NCKAP5: variants seen among roughly 807,000 people sequenced by gnomAD.
NCKAP5 encodes NCK associated protein 5.
In NCKAP5, 92 loss-of-function variants were observed where a neutral mutation model predicts 167.0. The observed-to-expected ratio is 0.55, with a 90% CI of 0.47 to 0.66. The LOEUF is 0.66. Among genes scored for constraint, NCKAP5 ranks in the 30% least tolerant of loss-of-function variants. The pLI is 0.00. For synonymous variants in NCKAP5, 891 were observed against 877.4 expected (o/e 1.02, Z -0.27); for missense variants, 2,378 against 2,315.0 (o/e 1.03, Z -0.56).
At chr2:133,186,240 T>G (rs556259818) in intron 5 of NCKAP5, among the ~76,000 whole-genome samples, 1 of 152,274 alleles carries the variant, frequency 6.6e-6, no homozygotes, top group Non-Finnish European at 1.5e-5. Flanking sequence ...TTTTTGTTTT[T>G]ATGTGATGAA....
Position 132,784,396 on chromosome 2 carries a change from G to A in NCKAP5, c.2415C>T (p.Pro805=). The A allele has an allele frequency of 6.2e-7, 1 of 1,613,636 alleles. No individual in the cohort carries two copies. The highest frequency in any genetic ancestry group is 8.5e-7 in the Non-Finnish European group (1 of 1,179,800). The change falls in exon 14 of 20, where the codon CCC becomes CCT. Residue 805 remains proline (P), a synonymous_variant. Transcript: ENST00000409261. ...ATTTCTGAGGTGAAGACTTGCCCCT[G>A]GGAGGTATTTTTGTCAGATTTTGCT... ...YQKQNLTKIP[P]RGKSSPQKSK... is the part of the protein sequence containing the mutation.
intron 11 of NCKAP5, among the ~76,000 whole-genome samples, chr2:132,819,956 G>A (rs997664871): frequency 3.9e-5 from 6 of 152,162 alleles, no homozygotes; most frequent in Admixed American, 6.5e-5. Flanking sequence ...AATTCTCAGT[G>A]TAGGGAGGTA....
At chr2:133,154,716 T>C (rs1205619687) in intron 5 of NCKAP5, among the ~76,000 whole-genome samples, 5 of 152,178 alleles carry the variant, frequency 3.3e-5, no homozygotes, top group African/African-American at 1.2e-4. Context: ...AGCGTCACAA[T>C]GGTAGATAAG....
chr2:133,299,783 TTACTGA>T (rs1231134600), intron 4 of NCKAP5, among the ~76,000 whole-genome samples: 1 of 152,140 alleles, frequency 6.6e-6, no homozygotes, highest in Non-Finnish European at 1.5e-5. Context: ...CTTTAGGGGC[TTACTGA>T]GGGTGGGTGA....
intron 3 of NCKAP5, among the ~76,000 whole-genome samples, chr2:133,423,263 G>A (rs1689594138): frequency 6.6e-6 from 1 of 152,184 alleles, no homozygotes; most frequent in Non-Finnish European, 1.5e-5. Flanking sequence ...GCTAATGCCT[G>A]CTTCTTGGTT....
chr2:133,116,213 C>T lies in NCKAP5; in HGVS notation c.341+13765G>A, dbSNP rs1261075910. Among the ~76,000 whole-genome samples the T allele has an allele frequency of 5.8e-5, 5 of 86,188 alleles. 2 individuals are homozygous for T. Among genetic ancestry groups the T allele is most frequent in the East Asian group, 1.0e-3 (1 of 982 alleles). The allele number at this position is 86,188 out of a possible 152,430, so 56.5% of individuals were successfully genotyped here. ...AAAATAAGAAAAATTTGTGGCCGGG[C>T]GCGGTGGCTCACGCCTGTAATCCCA... On this transcript the variant is annotated intron_variant, in intron 6 of 19. Transcript: ENST00000409261.
intron 6 of NCKAP5, among the ~76,000 whole-genome samples, chr2:133,031,410 G>C (rs1207307292): frequency 6.6e-6 from 1 of 152,172 alleles, no homozygotes; most frequent in African/African-American, 2.4e-5. Flanking sequence ...ATTTAAACCA[G>C]CCTCAGCCAG....
chr2:133,346,996 G>A (rs1291094686), intron 3 of NCKAP5, among the ~76,000 whole-genome samples: 3 of 152,168 alleles, frequency 2.0e-5, no homozygotes, highest in Non-Finnish European at 4.4e-5. Context: ...GCCCTGCCCT[G>A]AAAATGAACA....
chr2:133,584,044 G>A, the NCKAP5 span, among the ~76,000 whole-genome samples: 47,760 of 152,102 alleles, frequency 0.31, 7,992 homozygotes, highest in South Asian at 0.42. Flanking sequence ...GTGAGCCACC[G>A]CACCCAGCCT....
rs201072817 is a variant in NCKAP5 at position 132,887,211 on chromosome 2, AT to A, written c.580-8296del. Among the ~76,000 whole-genome samples, 582 of 151,430 alleles carry A rather than the reference AT, an allele frequency of 3.8e-3. 2 individuals carry two copies. Among genetic ancestry groups the A allele is most frequent in the Middle Eastern group, 6.9e-3 (2 of 288 alleles). On this transcript the variant is annotated intron_variant, in intron 8 of 19. Coordinates refer to ENST00000409261, the MANE Select transcript of NCKAP5 (RefSeq NM_207363.3). ...TCACTCCTCTTAGTATCTATTGGTA[AT>A]TTTTTTTTGACTAAAACAATTATGA...
intron 3 of NCKAP5, among the ~76,000 whole-genome samples, chr2:133,461,199 A>T (rs1308990778): frequency 6.6e-6 from 1 of 152,168 alleles, no homozygotes; most frequent in Non-Finnish European, 1.5e-5. Flanking sequence ...AGGACCTCCA[A>T]ATAGAAACAT....
intron 6 of NCKAP5, among the ~76,000 whole-genome samples, chr2:133,112,781 C>T (rs1042387542): frequency 1.3e-5 from 2 of 152,172 alleles, no homozygotes; most frequent in African/African-American, 2.4e-5. Context: ...GTCAGAACTA[C>T]CCTATAATTT....
chr2:133,665,353 A>G, the NCKAP5 span, among the ~76,000 whole-genome samples: 1 of 152,180 alleles, frequency 6.6e-6, no homozygotes, highest in African/African-American at 2.4e-5. Flanking sequence ...CAGCCATTGT[A>G]CTGTTATTAA....
chr2:133,064,584 T>C lies in NCKAP5; in HGVS notation c.341+65394A>G, dbSNP rs1460146921. On this transcript the variant is annotated intron_variant, in intron 6 of 19. Coordinates refer to ENST00000409261, the MANE Select transcript of NCKAP5 (RefSeq NM_207363.3). ...AGAGAAGATAAACTTACAGAGCTATTACAAATGTTGTAAAAAGCCTAAGGA... is the reference window on the plus strand; with the variant it reads ...AGAGAAGATAAACTTACAGAGCTATCACAAATGTTGTAAAAAGCCTAAGGA... Among the ~76,000 whole-genome samples, 4 of 152,212 alleles carry C rather than the reference T, an allele frequency of 2.6e-5. No individual in the cohort carries two copies. In the East Asian group the frequency reaches 7.7e-4, roughly 29 times the overall value.
chr2:133,555,300 A>G (rs894711218), intron 2 of NCKAP5, among the ~76,000 whole-genome samples: 4 of 152,190 alleles, frequency 2.6e-5, no homozygotes, highest in African/African-American at 9.7e-5. Context: ...TCACAGAGTC[A>G]GCACTGTCTG....
At chr2:133,344,313 C>A (rs900299829) in intron 3 of NCKAP5, among the ~76,000 whole-genome samples, 56 of 148,792 alleles carry the variant, frequency 3.8e-4, no homozygotes, top group African/African-American at 1.4e-3. Flanking sequence ...AAGGCTGAGG[C>A]GGGAGAATTT....
At chr2:133,606,620 C>T in the NCKAP5 span, among the ~76,000 whole-genome samples, 20 of 151,994 alleles carry the variant, frequency 1.3e-4, 1 homozygote, top group African/African-American at 4.6e-4. Flanking sequence ...GAGAACTGGG[C>T]TCATAGAGCG....
At chr2:133,403,510 C>G (rs975348755) in intron 3 of NCKAP5, among the ~76,000 whole-genome samples, 1 of 152,160 alleles carries the variant, frequency 6.6e-6, no homozygotes, top group African/African-American at 2.4e-5. Flanking sequence ...GTGTTTAACA[C>G]AAGACTCATG....
the NCKAP5 span, among the ~76,000 whole-genome samples, chr2:133,611,126 A>G: frequency 4.4e-5 from 1 of 22,956 alleles, no homozygotes; most frequent in Admixed American, 3.5e-4. Context: ...TTAATGCCCG[A>G]AAAAAAAAGG....
Sources: allele counts gnomAD v4.1 joint callset (sites outside exome capture counted in the v4.1 genomes callset), GRCh38; gene constraint gnomAD v4.1.1; transcripts MANE v1.5; gene names NCBI Gene and HGNC (gene_info 2026-07-23, HGNC 2026-07-21).